The following SMARCA2 variants were observed in gnomAD, a reference collection of about 807,000 sequenced individuals.
SMARCA2 encodes the protein SWI/SNF related BAF chromatin remodeling complex subunit ATPase 2.
A neutral mutation model predicts 199.8 loss-of-function variants in SMARCA2; 61 were observed. The ratio of observed to expected loss-of-function variants is 0.31; its 90% CI spans 0.25 to 0.38. The LOEUF is 0.38. Among genes scored for constraint, SMARCA2 ranks in the 10% least tolerant of loss-of-function variants. The pLI, the probability that SMARCA2 is intolerant of heterozygous loss-of-function variation, is 1.00. For missense variants in SMARCA2, 1,344 were observed against 2,012.2 expected (o/e 0.67, Z 6.35); for synonymous variants, 935 against 732.0 (o/e 1.28, Z -4.48).
intron 29 of SMARCA2, among the ~76,000 whole-genome samples, chr9:2,175,998 A>G (rs1452747153): frequency 1.3e-5 from 2 of 152,016 alleles, no homozygotes; most frequent in Non-Finnish European, 2.9e-5. Flanking sequence ...CTCCTGCCTC[A>G]GCCTCCTGAG....
intron 3 of SMARCA2, among the ~76,000 whole-genome samples, chr9:2,036,820 G>C (rs558984939): frequency 1.3e-5 from 2 of 152,188 alleles, no homozygotes; most frequent in African/African-American, 4.8e-5. Flanking sequence ...TATGTTTAAT[G>C]TAACTGTCTC....
At chr9:2,148,031 C>G (rs1824857260) in intron 27 of SMARCA2, among the ~76,000 whole-genome samples, 1 of 151,542 alleles carries the variant, frequency 6.6e-6, no homozygotes, top group Non-Finnish European at 1.5e-5. Context: ...ACAAAGCATG[C>G]TGAGTTTACA....
intron 14 of SMARCA2, chr9:2,080,045 G>C (rs909531564): frequency 6.6e-6 from 1 of 152,174 alleles, no homozygotes; most frequent in Non-Finnish European, 1.5e-5. Context: ...AGCCATGTCC[G>C]CCTGATGAGA....
intron 9 of SMARCA2, among the ~76,000 whole-genome samples, chr9:2,069,214 C>A (rs1383277437): frequency 6.6e-6 from 1 of 151,598 alleles, no homozygotes; most frequent in East Asian, 2.0e-4. Flanking sequence ...CCGCACCCGG[C>A]CGATATGACA....
chr9:2,119,683 G>C lies in SMARCA2; in HGVS notation c.3762+148G>C. ...CAGTTCAGAGGCTGCAAACTGGCTG[G>C]AGTTAGCCTGCAGACATATTTTGTT... On this transcript the variant is annotated intron_variant, in intron 26 of 33. Coordinates refer to ENST00000349721, the MANE Select transcript of SMARCA2 (RefSeq NM_003070.5). The surrounding 1 kb of genome is among the most constrained non-coding windows in gnomAD (Gnocchi z 4.6). The C allele has an allele frequency of 1.7e-6, 1 of 593,584 alleles. No individual in the cohort carries two copies. The highest frequency in any genetic ancestry group is 3.0e-6 in the Non-Finnish European group (1 of 333,320). The allele number at this position is 593,584 out of a possible 1,614,324, so 36.8% of individuals were successfully genotyped here.
chr9:2,065,410 G>C (rs1025767895), intron 9 of SMARCA2, among the ~76,000 whole-genome samples: 19 of 152,268 alleles, frequency 1.2e-4, no homozygotes, highest in Middle Eastern at 6.8e-3. Context: ...TCATTGGAGT[G>C]TTCGATTTTC....
chr9:2,020,724 G>C (rs1818563744), intron 1 of SMARCA2, among the ~76,000 whole-genome samples: 1 of 152,156 alleles, frequency 6.6e-6, no homozygotes, highest in African/African-American at 2.4e-5. Flanking sequence ...CTTTTAAGTA[G>C]TAAAAGTTAT....
At chr9:2,179,469 C>T (rs1826856889) in intron 29 of SMARCA2, among the ~76,000 whole-genome samples, 1 of 152,074 alleles carries the variant, frequency 6.6e-6, no homozygotes, top group Admixed American at 6.5e-5. Context: ...TCTCATTTTA[C>T]AGTATTGGCC....
chr9:2,086,999 C>T lies in SMARCA2; in HGVS notation c.2697C>T (p.Leu899=). The change falls in exon 18 of 34, where the codon CTC becomes CTT. Residue 899 remains leucine (L), a synonymous_variant. Transcript: ENST00000349721. The surrounding 1 kb of genome is among the most constrained non-coding windows in gnomAD (Gnocchi z 4.3). ...PELWALLNFL[L]PTIFKSCSTF... Reference sequence around the variant, plus strand: ...TCTGGGCCCTCCTCAACTTCCTCCTCCCAACAATTTTTAAGAGCTGCAGCA... The same window carrying T: ...TCTGGGCCCTCCTCAACTTCCTCCTTCCAACAATTTTTAAGAGCTGCAGCA... The T allele has an allele frequency of 6.2e-7, 1 of 1,614,160 alleles. No individual in the cohort carries two copies. The highest frequency in any genetic ancestry group is 8.5e-7 in the Non-Finnish European group (1 of 1,180,010).
intron 14 of SMARCA2, among the ~76,000 whole-genome samples, chr9:2,080,356 C>G (rs1821511564): frequency 6.6e-6 from 1 of 152,224 alleles, no homozygotes. Flanking sequence ...TTGTGAATTT[C>G]TAGTCTCCTC....
intron 32 of SMARCA2, among the ~76,000 whole-genome samples, chr9:2,186,512 TTTTTGAGA>T (rs1231280333): frequency 1.3e-5 from 2 of 152,178 alleles, no homozygotes; most frequent in African/African-American, 4.8e-5. Flanking sequence ...TATTTATTTA[TTTTTGAGA>T]CAGGGTCTCA....
chr9:2,143,829 G>T (rs556001155), intron 27 of SMARCA2, among the ~76,000 whole-genome samples: 111 of 152,364 alleles, frequency 7.3e-4, no homozygotes, highest in African/African-American at 2.5e-3. Context: ...CCAAAAAGAA[G>T]CGCAGGCTAG....
intron 29 of SMARCA2, among the ~76,000 whole-genome samples, chr9:2,177,522 A>T (rs553611994): frequency 6.6e-6 from 1 of 152,260 alleles, no homozygotes; most frequent in South Asian, 2.1e-4. Flanking sequence ...AAAAAAAATC[A>T]TTAAAAGACA....
chr9:2,098,948 A>G (rs1054368938), intron 21 of SMARCA2, among the ~76,000 whole-genome samples: 4 of 139,476 alleles, frequency 2.9e-5, no homozygotes, highest in Admixed American at 7.2e-5. Context: ...ACTCGGTCTC[A>G]AAAAAAAAAA....
intron 27 of SMARCA2, among the ~76,000 whole-genome samples, chr9:2,157,029 A>G (rs1213903738): frequency 1.3e-5 from 2 of 152,202 alleles, no homozygotes; most frequent in East Asian, 3.9e-4. Context: ...ATAATCAAAA[A>G]CTTACTGTCC....
chr9:2,060,979 G>A lies in SMARCA2; in HGVS notation c.1685G>A (p.Arg562Lys), dbSNP rs1444928556. Residue 562 changes from arginine to lysine, a missense_variant, in exon 9 of 34, where the codon AGG (arginine) becomes AAG (lysine). By Grantham distance (26) the Arg-to-Lys change is conservative. Around this residue, in one of 18 missense-constraint regions of SMARCA2, gnomAD observed 68 missense variants for 70.4 expected, o/e 0.97. Transcript: ENST00000349721. ...AAAGAGAAGAAGAAGAGGAGGAGGA[G>A]GAAGAAGGTGCGTATCCTAGTGGTG... ...AAKEKKKRRR[R>K]KKKAEENAEG... 2.5e-6 allele frequency: 4 copies of A among 1,613,390 alleles called. No homozygotes were observed. Among genetic ancestry groups the A allele is most frequent in the African/African-American group, 2.7e-5 (2 of 74,904 alleles).
Position 2,104,482 on chromosome 9 carries a change from T to C in SMARCA2, c.3292+313T>C, listed in dbSNP as rs1822666347. On this transcript the variant is annotated intron_variant, in intron 23 of 33. Coordinates refer to ENST00000349721, the MANE Select transcript of SMARCA2 (RefSeq NM_003070.5). This position sits in a 1 kb window ranked among gnomAD's most constrained non-coding sequence, Gnocchi z 4.0. ...TCCTTGCTCTTAAAATTGTTACCTA[T>C]GTGCCAAAGATATAGAATACATTGA... is the stretch of plus-strand genomic sequence containing the variant. 6.6e-6 allele frequency among the ~76,000 whole-genome samples: 1 copy of C among 152,236 alleles called. No homozygotes were observed. The highest frequency in any genetic ancestry group is 2.4e-5 in the African/African-American group (1 of 41,468).
chr9:2,155,031 C>A (rs1825276091), intron 27 of SMARCA2, among the ~76,000 whole-genome samples: 1 of 152,134 alleles, frequency 6.6e-6, no homozygotes, highest in Non-Finnish European at 1.5e-5. Context: ...TCAAGATCAT[C>A]TCTCAGGTTT....
At chr9:2,118,724 T>G (rs1358758015) in intron 25 of SMARCA2, among the ~76,000 whole-genome samples, 7 of 152,258 alleles carry the variant, frequency 4.6e-5, no homozygotes, top group Admixed American at 4.6e-4. Flanking sequence ...TTCTGAGGAA[T>G]TAGCAGAGAG....
Sources: allele counts gnomAD v4.1 joint callset (sites outside exome capture counted in the v4.1 genomes callset), GRCh38; gene constraint gnomAD v4.1.1; regional missense constraint gnomAD v4.1.1; non-coding constraint Gnocchi (gnomAD v3.1); transcripts MANE v1.5; gene names NCBI Gene and HGNC (gene_info 2026-07-23, HGNC 2026-07-21).